DEFB128: variants seen among roughly 807,000 people sequenced by gnomAD.
DEFB128 encodes the protein defensin beta 128.
DEFB128 carries 1 observed loss-of-function variant against 2.4 expected under a neutral mutation model. The observed-to-expected ratio is 0.41, with a 90% CI of 0.15 to 1.96. DEFB128 has a LOEUF of 1.96. Among genes scored for constraint, DEFB128 ranks in the 30% most tolerant of loss-of-function variants. The pLI is 0.30. For synonymous variants in DEFB128, 59 were observed against 39.1 expected (o/e 1.51, Z -1.89); for missense variants, 129 against 104.9 (o/e 1.23, Z -1.00).
At chr20:188,188 TCCCCAC>T in intron 1 of DEFB128, 70 bp from the exon 2 acceptor site, 1 of 1,410,272 alleles carries the variant, frequency 7.1e-7, no homozygotes. Context: ...GGTATGTGGT[TCCCCAC>T]AAGTCATGGC....
At chr20:188,471 A>T (rs1010924597) in intron 1 of DEFB128, among the ~76,000 whole-genome samples, 4 of 152,218 alleles carry the variant, frequency 2.6e-5, no homozygotes, top group Non-Finnish European at 5.9e-5. Context: ...GCTCCATCTC[A>T]GTCTCATGTC....
chr20:188,011 A>T lies in DEFB128; in HGVS notation c.157T>A (p.Cys53Ser). Residue 53 changes from cysteine (C) to serine (S), a missense_variant, in exon 2 of 2, where the codon TGT becomes AGT. Cys to Ser is a moderately radical substitution (Grantham distance 112). Transcript: ENST00000334391. ...TTTTTCTCTTCTTCATCATTAGCAC[A>T]ACATAATTTCCCACTTAGACATCCT... Reference protein sequence around the residue: ...EIGCLSGKLCCANDEEEKKHV... With the variant: ...EIGCLSGKLCSANDEEEKKHV... 1 of 1,614,108 alleles carries T rather than the reference A, an allele frequency of 6.2e-7. No homozygotes were observed. The highest frequency in any genetic ancestry group is 8.5e-7 in the Non-Finnish European group (1 of 1,179,960).
rs1184592996 is a variant in DEFB128, at chr20:188,062, A to G, written c.106T>C (p.Cys36Arg). Residue 36 changes from cysteine to arginine, a missense_variant, in exon 2 of 2, where the codon TGC (cysteine) becomes CGC (arginine). Physicochemically the swap from Cys to Arg is radical, Grantham distance 180 (BLOSUM62 -3). Coordinates refer to ENST00000334391, the MANE Select transcript of DEFB128 (RefSeq NM_001037732.3). ...ATTTCATATCTTTCTCCTACCTTGCATTTCTTCCTGCAATAGCCTGTTACT... is the reference window on the plus strand; with the variant it reads ...ATTTCATATCTTTCTCCTACCTTGCGTTTCTTCCTGCAATAGCCTGTTACT... The part of the protein sequence containing the change: ...NKVTGYCRKK[C>R]KVGERYEIGC... 9.3e-6 allele frequency: 15 copies of G among 1,614,034 alleles called. No individual in the cohort carries two copies. Among genetic ancestry groups the G allele is most frequent in the Non-Finnish European group, 1.3e-5 (15 of 1,179,952 alleles).
Position 188,097 on chromosome 20 carries a change from C to G in DEFB128, c.71G>C (p.Cys24Ser). Residue 24 changes from cysteine to serine, a missense_variant, in exon 2 of 2, where the codon TGC (cysteine) becomes TCC (serine). Cys to Ser is a moderately radical substitution (Grantham distance 112). Coordinates refer to ENST00000334391, the MANE Select transcript of DEFB128 (RefSeq NM_001037732.3). ...VLTDGARLKK[C>S]FNKVTGYCRK... ...GCAATAGCCTGTTACTTTATTGAAG[C>G]ATTTTTTGAGTCTTGCCCCGTCTGT... The G allele has an allele frequency of 6.2e-7, 1 of 1,613,934 alleles. No homozygotes were observed. The highest frequency in any genetic ancestry group is 8.5e-7 in the Non-Finnish European group (1 of 1,179,904).
At chr20:188,148 G>A in intron 1 of DEFB128, 30 bp from the exon 2 acceptor site, 1 of 1,599,336 alleles carries the variant, frequency 6.3e-7, no homozygotes, top group Non-Finnish European at 8.6e-7. Flanking sequence ...TTGAACCAAG[G>A]TTAGTGCGTA....
At position 189,570 on chromosome 20, in the gene DEFB128, G is replaced by T; in HGVS notation, c.49+5C>A. 6.2e-7 allele frequency: 1 copy of T among 1,613,348 alleles called. No individual in the cohort carries two copies. Among genetic ancestry groups the T allele is most frequent in the African/African-American group, 1.3e-5 (1 of 74,984 alleles). On this transcript the variant is annotated splice_donor_5th_base_variant and intron_variant, in intron 1 of 1. Transcript: ENST00000334391. ...AGGATGTTATAGTACATTTGGACAA[G>T]TTACCTGTGAGTACCTCAAACAGCA...
intron 1 of DEFB128, 129 bp from the exon 2 acceptor site, chr20:188,247 T>C: frequency 1.2e-6 from 1 of 847,280 alleles, no homozygotes; most frequent in African/African-American, 1.7e-5. Flanking sequence ...AAAAGGAAAC[T>C]CAGAGGCCCC....
rs1251290388 is a variant in DEFB128 at position 189,640 on chromosome 20, A to G, written c.-17T>C. The stretch of plus-strand genomic sequence containing the variant: ...CAGCTTCATATTTACAGACTTCCCA[A>G]GAGAAAGAGGCAGCAGAACTTTGTC... On this transcript the variant is annotated 5_prime_UTR_variant, in exon 1 of 2. Transcript: ENST00000334391. 6.2e-7 allele frequency: 1 copy of G among 1,613,746 alleles called. No homozygotes were observed. The highest frequency in any genetic ancestry group is 8.5e-7 in the Non-Finnish European group (1 of 1,179,742).
Position 188,065 on chromosome 20 carries a change from TC to T in DEFB128, c.102del (p.Lys35AsnfsTer4), listed in dbSNP as rs1247286873. ...TCATATCTTTCTCCTACCTTGCATTTCTTCCTGCAATAGCCTGTTACTTTAT... is the reference window on the plus strand; with the variant it reads ...TCATATCTTTCTCCTACCTTGCATTTTTCCTGCAATAGCCTGTTACTTTAT... ...CFNKVTGYCRKKCKVGERYEI... is the reference protein window; with the variant it reads ...CFNKVTGYCRXKCKVGERYEI... On this transcript the variant is annotated frameshift_variant, in exon 2 of 2. Transcript: ENST00000334391. LOFTEE classifies it low-confidence loss of function (END_TRUNC). 1 of 1,614,124 alleles carries T rather than the reference TC, an allele frequency of 6.2e-7. No homozygotes were observed. The highest frequency in any genetic ancestry group is 8.5e-7 in the Non-Finnish European group (1 of 1,179,972).
At chr20:189,444 A>T in intron 1 of DEFB128, 131 bp downstream of exon 1, 1 of 1,004,886 alleles carries the variant, frequency 1.0e-6, no homozygotes, top group Non-Finnish European at 1.5e-6. Flanking sequence ...GCATAGACTC[A>T]AGTCAGGCAA....
chr20:189,514 G>T (rs1166499278), intron 1 of DEFB128, 61 bp downstream of exon 1: 3 of 1,551,428 alleles, frequency 1.9e-6, no homozygotes, highest in South Asian at 1.1e-5. Context: ...TGAAAGTCCT[G>T]TTCCCACTCT....
intron 1 of DEFB128, 145 bp from the exon 2 acceptor site, chr20:188,263 GA>G: frequency 1.3e-6 from 1 of 758,468 alleles, no homozygotes; most frequent in Non-Finnish European, 2.2e-6. Context: ...GCCCCTCCTT[GA>G]AAAATATCCC....
chr20:188,882 A>C lies in DEFB128; in HGVS notation c.49+693T>G, dbSNP rs1223324617. ...CTCTACCCAAAATTTGAACAAGCCCAAAGAATAAGGTTGGAGAAGAGAGAC... is the reference window on the plus strand; with the variant it reads ...CTCTACCCAAAATTTGAACAAGCCCCAAGAATAAGGTTGGAGAAGAGAGAC... On this transcript the variant is annotated intron_variant, in intron 1 of 1. Coordinates refer to ENST00000334391, the MANE Select transcript of DEFB128 (RefSeq NM_001037732.3). 2.6e-5 allele frequency among the ~76,000 whole-genome samples: 4 copies of C among 152,286 alleles called. No individual in the cohort carries two copies. In the East Asian group the frequency reaches 5.8e-4, roughly 22 times the overall value.
Position 188,080 on chromosome 20 carries a change from C to G in DEFB128, c.88G>C (p.Gly30Arg). The G allele has an allele frequency of 6.2e-7, 1 of 1,614,006 alleles. No individual in the cohort carries two copies. Among genetic ancestry groups the G allele is most frequent in the Non-Finnish European group, 8.5e-7 (1 of 1,179,938 alleles). Reference protein sequence around the residue: ...RLKKCFNKVTGYCRKKCKVGE... With the variant: ...RLKKCFNKVTRYCRKKCKVGE... ...ACCTTGCATTTCTTCCTGCAATAGC[C>G]TGTTACTTTATTGAAGCATTTTTTG... The change falls in exon 2 of 2, where the codon GGC becomes CGC. Residue 30 changes from glycine (G) to arginine (R), a missense_variant. Physicochemically the swap from Gly to Arg is moderately radical, Grantham distance 125. Transcript: ENST00000334391.
chr20:189,667 A>G lies in DEFB128; in HGVS notation c.-44T>C. Reference sequence around the variant, plus strand: ...AGAAAGAGGCAGCAGAACTTTGTCCAGTGGTCTGTGTGCCACAGGTCTTTA... The same window carrying G: ...AGAAAGAGGCAGCAGAACTTTGTCCGGTGGTCTGTGTGCCACAGGTCTTTA... On this transcript the variant is annotated 5_prime_UTR_variant, in exon 1 of 2. Coordinates refer to ENST00000334391, the MANE Select transcript of DEFB128 (RefSeq NM_001037732.3). 1 of 1,606,514 alleles carries G rather than the reference A, an allele frequency of 6.2e-7. No individual in the cohort carries two copies. Among genetic ancestry groups the G allele is most frequent in the Non-Finnish European group, 8.5e-7 (1 of 1,173,318 alleles).
chr20:188,971 T>G (rs985313234), intron 1 of DEFB128, among the ~76,000 whole-genome samples: 21 of 152,256 alleles, frequency 1.4e-4, no homozygotes, highest in African/African-American at 5.1e-4. Flanking sequence ...GAGTATATTT[T>G]GGGGCCATAA....
rs773109710 is a variant in DEFB128, at chr20:189,659, C to T, written c.-36G>A. 1 of 1,612,314 alleles carries T rather than the reference C, an allele frequency of 6.2e-7. No homozygotes were observed. Among genetic ancestry groups the T allele is most frequent in the Non-Finnish European group, 8.5e-7 (1 of 1,178,570 alleles). ...TTCCCAAGAGAAAGAGGCAGCAGAA[C>T]TTTGTCCAGTGGTCTGTGTGCCACA... On this transcript the variant is annotated 5_prime_UTR_variant, in exon 1 of 2. Transcript: ENST00000334391.
Position 188,079 on chromosome 20 carries a change from C to T in DEFB128, c.89G>A (p.Gly30Asp), listed in dbSNP as rs1396965785. ...TACCTTGCATTTCTTCCTGCAATAGCCTGTTACTTTATTGAAGCATTTTTT... is the reference window on the plus strand; with the variant it reads ...TACCTTGCATTTCTTCCTGCAATAGTCTGTTACTTTATTGAAGCATTTTTT... ...RLKKCFNKVT[G>D]YCRKKCKVGE... is the part of the protein sequence containing the mutation. The change falls in exon 2 of 2, where the codon GGC becomes GAC. Residue 30 changes from glycine (G) to aspartate (D), a missense_variant. Transcript: ENST00000334391. The T allele has an allele frequency of 3.1e-6, 5 of 1,613,990 alleles. No individual in the cohort carries two copies. Among genetic ancestry groups the T allele is most frequent in the Admixed American group, 1.7e-5 (1 of 60,006 alleles).
At position 189,602 on chromosome 20, in the gene DEFB128, T is replaced by A. The variant is rs756571397; in HGVS notation, c.22A>T (p.Ile8Phe). Reference sequence around the variant, plus strand: ...GTGAGTACCTCAAACAGCAGAATAATGAGAACCAGAAACAGCTTCATATTT... The same window carrying A: ...GTGAGTACCTCAAACAGCAGAATAAAGAGAACCAGAAACAGCTTCATATTT... MKLFLVL[I>F]ILLFEVLTDG... Residue 8 changes from isoleucine to phenylalanine, a missense_variant, in exon 1 of 2, where the codon ATT (isoleucine) becomes TTT (phenylalanine). Coordinates refer to ENST00000334391, the MANE Select transcript of DEFB128 (RefSeq NM_001037732.3). 49 of 1,613,736 alleles carry A rather than the reference T, an allele frequency of 3.0e-5. No homozygotes were observed. Among genetic ancestry groups the A allele is most frequent in the Non-Finnish European group, 4.1e-5 (48 of 1,179,830 alleles).
Sources: gnomAD v4.1 joint callset for allele counts (sites outside exome capture counted in the v4.1 genomes callset) on GRCh38, gnomAD v4.1.1 for gene constraint, MANE v1.5 for transcripts, NCBI Gene and HGNC (gene_info 2026-07-23, HGNC 2026-07-21) for gene names.